The following LMO4 variants were observed in gnomAD, a reference collection of about 807,000 sequenced individuals.
The protein encoded by LMO4 is LIM domain transcription factor LMO4.
LMO4 carries 3 observed loss-of-function variants against 18.5 expected under a neutral mutation model. The ratio of observed to expected loss-of-function variants is 0.16; its 90% CI spans 0.07 to 0.42. The LOEUF (loss-of-function observed/expected upper bound fraction) is 0.42, where lower values mean the gene tolerates loss of function less well. LMO4 is among the 10% of genes least tolerant of loss of function. The probability of loss-of-function intolerance (pLI) is 0.99; values close to 1 mark genes in which losing one functional copy is unlikely to be tolerated. For synonymous variants in LMO4, 100 were observed against 88.1 expected, an observed-to-expected ratio of 1.14 and a Z score of -0.76; for missense variants, 121 against 219.9, an observed-to-expected ratio of 0.55 and a Z score of 2.84.
chr1:87,331,972 GTT>G, intron 1 of LMO4, 39 bp from the exon 2 acceptor site: 1 of 1,526,838 alleles, frequency 6.5e-7, no homozygotes, highest in Non-Finnish European at 9.0e-7. Context: ...CATCGCCCCT[GTT>G]TTGTCTTTCT....
intron 4 of LMO4, 50 bp downstream of exon 4, chr1:87,340,252 T>A (rs1462567679): frequency 6.4e-7 from 1 of 1,574,282 alleles, no homozygotes; most frequent in South Asian, 1.1e-5. Flanking sequence ...AGTTGGAAGG[T>A]TCAACCTCTT....
chr1:87,329,439 CG>C (rs1553156951), intron 1 of LMO4, among the ~76,000 whole-genome samples, 195 bp downstream of exon 1: 2 of 152,144 alleles, frequency 1.3e-5, no homozygotes, highest in Non-Finnish European at 2.9e-5. Flanking sequence ...AGGGCAGCCC[CG>C]GGCCGCCAGC....
chr1:87,341,761 G>A (rs1650505555), intron 4 of LMO4, among the ~76,000 whole-genome samples: 1 of 152,128 alleles, frequency 6.6e-6, no homozygotes, highest in Non-Finnish European at 1.5e-5. Context: ...ACCATTTTAA[G>A]AATAAAAGTT....
In LMO4 at chr1:87,348,695, C is replaced by G; in HGVS notation, c.*3899C>G. The G allele has an allele frequency of 2.0e-6, 1 of 508,038 alleles. No homozygotes were observed. Among genetic ancestry groups the G allele is most frequent in the Non-Finnish European group, 3.9e-6 (1 of 254,396 alleles). 31.5% of individuals were successfully genotyped at this position (508,038 alleles called of 1,614,324 possible). On this transcript the variant is annotated 3_prime_UTR_variant, in exon 5 of 5. Transcript: ENST00000370544. ...TTTGGAAGGTGAACTTGCAACTTAC[C>G]TCAAGTGAATACTGTTTTCAGTTGT...
chr1:87,335,222 A>ACCGT (rs1323290959), intron 2 of LMO4, among the ~76,000 whole-genome samples: 1 of 152,134 alleles, frequency 6.6e-6, no homozygotes, highest in East Asian at 1.9e-4. Flanking sequence ...TCTTCCTCGA[A>ACCGT]CCGTCTTTCC....
chr1:87,339,524 T>A lies in LMO4; in HGVS notation c.237-12T>A, dbSNP rs765445423. The A allele has an allele frequency of 6.2e-7, 1 of 1,602,702 alleles. No homozygotes were observed. The highest frequency in any genetic ancestry group is 8.5e-7 in the Non-Finnish European group (1 of 1,169,782). On this transcript the variant is annotated splice_polypyrimidine_tract_variant and intron_variant, in intron 2 of 4. Transcript: ENST00000370544. ...ATTATTCACTGGTGTCAACCGTTATTCTTTGTTTCAGGTTATTTGGAAATA... is the reference window on the plus strand; with the variant it reads ...ATTATTCACTGGTGTCAACCGTTATACTTTGTTTCAGGTTATTTGGAAATA...
chr1:87,340,329 C>A, intron 4 of LMO4, 127 bp downstream of exon 4: 1 of 802,254 alleles, frequency 1.2e-6, no homozygotes, highest in Non-Finnish European at 2.0e-6. Flanking sequence ...ATGTAGATTA[C>A]TAGTTGTACA....
chr1:87,331,641 GGGAGGAGGGGGCAGTGGGC>G, intron 1 of LMO4: 1 of 250,680 alleles, frequency 4.0e-6, no homozygotes. Flanking sequence ...GGCGGAGGAG[GGGAGGAGGGGGCAGTGGGC>G]GGAGGCGGGG....
intron 2 of LMO4, among the ~76,000 whole-genome samples, chr1:87,332,528 TTAAG>T (rs1314251661): frequency 1.3e-5 from 2 of 152,172 alleles, no homozygotes; most frequent in African/African-American, 2.4e-5. Context: ...GTCCTAGAGT[TTAAG>T]TAAGTGGTCA....
At chr1:87,335,051 TAGAGCGGAG>T (rs948115309) in intron 2 of LMO4, among the ~76,000 whole-genome samples, 2 of 118,014 alleles carry the variant, frequency 1.7e-5, no homozygotes, top group African/African-American at 6.4e-5. Flanking sequence ...GGGGGGGTTG[TAGAGCGGAG>T]GGGGAGGGTG....
At chr1:87,339,439 G>GCATTC in intron 2 of LMO4, 97 bp from the exon 3 acceptor site, 1 of 758,544 alleles carries the variant, frequency 1.3e-6, no homozygotes, top group South Asian at 1.7e-5. Flanking sequence ...CCTGTCAAAT[G>GCATTC]CATTCCAAAG....
In LMO4 at chr1:87,346,709, A is replaced by G. The variant is rs368420914; in HGVS notation, c.*1913A>G. The G allele has an allele frequency of 1.3e-5, 2 of 152,350 alleles. No individual in the cohort carries two copies. Among genetic ancestry groups the G allele is most frequent in the East Asian group, 3.9e-4 (2 of 5,190 alleles). The allele number at this position is 152,350 out of a possible 1,614,324, so 9.4% of individuals were successfully genotyped here. On this transcript the variant is annotated 3_prime_UTR_variant, in exon 5 of 5. Coordinates refer to ENST00000370544, the MANE Select transcript of LMO4 (RefSeq NM_006769.4). ...ACCTCCTAGAGGAGATTGTAAAGGC[A>G]TAGAGTTGAGGTGAATAGTTTTGTT...
Position 87,343,766 on chromosome 1 carries a change from C to G in LMO4, c.490-1022C>G, listed in dbSNP as rs192983685. ...TTACCTTTCTCACACTGAGCTTCCA[C>G]TCTGGGGAATTAAGCCTTCACCACT... On this transcript the variant is annotated intron_variant, in intron 4 of 4. Coordinates refer to ENST00000370544, the MANE Select transcript of LMO4 (RefSeq NM_006769.4). Among the ~76,000 whole-genome samples, 61 of 152,332 alleles carry G rather than the reference C, an allele frequency of 4.0e-4. 1 individual carries two copies. Among genetic ancestry groups the G allele is most frequent in the Admixed American group, 2.2e-3 (33 of 15,306 alleles).
intron 1 of LMO4, among the ~76,000 whole-genome samples, chr1:87,330,244 C>T (rs1029397445): frequency 6.6e-6 from 1 of 151,792 alleles, no homozygotes; most frequent in African/African-American, 2.4e-5. Flanking sequence ...AAGATGGGGG[C>T]GGGGAAGAGC....
chr1:87,335,320 G>A (rs1209342313), intron 2 of LMO4, among the ~76,000 whole-genome samples: 2 of 152,128 alleles, frequency 1.3e-5, no homozygotes, highest in Non-Finnish European at 2.9e-5. Context: ...CTCCAGGTCC[G>A]GGGAGGGCGA....
chr1:87,333,340 A>C (rs1440593741), intron 2 of LMO4, among the ~76,000 whole-genome samples: 1 of 142,718 alleles, frequency 7.0e-6, no homozygotes, highest in Non-Finnish European at 1.5e-5. Context: ...TTGATACTAG[A>C]AAACCGCACA....
chr1:87,333,381 T>C (rs1650206866), intron 2 of LMO4, among the ~76,000 whole-genome samples: 1 of 152,220 alleles, frequency 6.6e-6, no homozygotes, highest in African/African-American at 2.4e-5. Context: ...TGTAAATTTG[T>C]CCTAAACCTT....
chr1:87,335,449 C>G (rs1021520238), intron 2 of LMO4, among the ~76,000 whole-genome samples: 1 of 151,806 alleles, frequency 6.6e-6, no homozygotes, highest in Non-Finnish European at 1.5e-5. Context: ...CGGGCGGTCT[C>G]GGGCCCACGA....
chr1:87,347,635 TACTG>T lies in LMO4; in HGVS notation c.*2841_*2844del, dbSNP rs1650673015. 6.6e-6 allele frequency: 1 copy of T among 152,172 alleles called. No individual in the cohort carries two copies. Among genetic ancestry groups the T allele is most frequent in the Non-Finnish European group, 1.5e-5 (1 of 68,040 alleles). The allele number at this position is 152,172 out of a possible 1,614,324, so 9.4% of individuals were successfully genotyped here. A position where few individuals can be genotyped will look rare whatever the true frequency, so the allele number is the denominator to read the frequency against. On this transcript the variant is annotated 3_prime_UTR_variant, in exon 5 of 5. Coordinates refer to ENST00000370544, the MANE Select transcript of LMO4 (RefSeq NM_006769.4). ...TGCAATTAAAAATAAAAGCAAATGT[TACTG>T]AGCCCTGCTGAACTCCTGATAAAAA...
Sources: gnomAD v4.1 joint callset for allele counts (sites outside exome capture counted in the v4.1 genomes callset) on GRCh38, gnomAD v4.1.1 for gene constraint, MANE v1.5 for transcripts, NCBI Gene and HGNC (gene_info 2026-07-23, HGNC 2026-07-21) for gene names.